Variants in DAPK1 observed in about 807,000 individuals in gnomAD.
DAPK1 encodes death associated protein kinase 1.
In DAPK1, 56 loss-of-function variants were observed where a neutral mutation model predicts 144.9. The ratio of observed to expected loss-of-function variants is 0.39; its 90% confidence interval spans 0.31 to 0.48. The LOEUF is 0.48. Ranked by LOEUF, DAPK1 falls within the 20% of genes least tolerant of loss-of-function variation. The pLI, the probability that DAPK1 is intolerant of heterozygous loss-of-function variation, is 0.95. For synonymous variants in DAPK1, 690 were observed against 749.0 expected (o/e 0.92, Z 1.29); for missense variants, 1,454 against 1,875.4 (o/e 0.78, Z 4.15).
At chr9:87,580,311 G>A (rs887599680) in intron 2 of DAPK1, among the ~76,000 whole-genome samples, 1 of 152,070 alleles carries the variant, frequency 6.6e-6, no homozygotes, top group African/African-American at 2.4e-5. Flanking sequence ...TGGGGATGTG[G>A]CTGGATAGTG....
intron 2 of DAPK1, among the ~76,000 whole-genome samples, chr9:87,546,015 T>TA (rs766213142): frequency 5.3e-5 from 8 of 152,338 alleles, no homozygotes; most frequent in South Asian, 4.1e-4. Context: ...AGATTCTCAG[T>TA]ACTTCCCATA....
chr9:87,640,036 A>G (rs1051251263), intron 7 of DAPK1, among the ~76,000 whole-genome samples: 1 of 152,232 alleles, frequency 6.6e-6, no homozygotes, highest in Admixed American at 6.5e-5. Context: ...ACTGAAAGAA[A>G]GCATAGCTGT....
At chr9:87,506,839 G>A (rs1286135697) in intron 2 of DAPK1, 1 of 152,038 alleles carries the variant, frequency 6.6e-6, no homozygotes, top group East Asian at 1.9e-4. Context: ...GAAGAAGGTG[G>A]AAGAAAAAAG....
rs1299329669 is a variant in DAPK1 at position 87,640,379 on chromosome 9, G to A, written c.711G>A (p.Glu237=). The A allele has an allele frequency of 6.8e-6, 11 of 1,614,072 alleles. No individual in the cohort carries two copies. The highest frequency in any genetic ancestry group is 5.0e-5 in the Admixed American group (3 of 60,008). Residue 237 remains glutamate (E), a synonymous_variant, in exon 8 of 26, where the codon GAG becomes GAA. Transcript: ENST00000408954. Reference sequence around the variant, plus strand: ...TATCCGCTGTCAACTACGAATTTGAGGATGAATACTTCAGTAATACCAGTG... The same window carrying A: ...TATCCGCTGTCAACTACGAATTTGAAGATGAATACTTCAGTAATACCAGTG... ...ANVSAVNYEF[E]DEYFSNTSAL...
chr9:87,615,039 A>G (rs1447343080), intron 3 of DAPK1, among the ~76,000 whole-genome samples: 2 of 152,202 alleles, frequency 1.3e-5, no homozygotes, highest in African/African-American at 4.8e-5. Context: ...TCATGAGAGC[A>G]TTGCTTTATT....
At chr9:87,589,381 C>T (rs567566957) in intron 2 of DAPK1, among the ~76,000 whole-genome samples, 1 of 152,084 alleles carries the variant, frequency 6.6e-6, no homozygotes, top group African/African-American at 2.4e-5. Flanking sequence ...TGCTTGTCCT[C>T]CCTTGACTGT....
intron 2 of DAPK1, among the ~76,000 whole-genome samples, chr9:87,537,002 T>C (rs1181408154): frequency 6.6e-6 from 1 of 151,852 alleles, no homozygotes; most frequent in Admixed American, 6.6e-5. Context: ...TTTTTTTTTT[T>C]CTTGAGATGG....
intron 18 of DAPK1, among the ~76,000 whole-genome samples, chr9:87,666,855 T>G (rs1831076778): frequency 2.0e-5 from 3 of 152,204 alleles, no homozygotes; most frequent in Non-Finnish European, 4.4e-5. Flanking sequence ...GTGAAAGGCC[T>G]CTGCCTGTGT....
At chr9:87,669,763 C>CA (rs946042104) in intron 19 of DAPK1, among the ~76,000 whole-genome samples, 57 of 117,294 alleles carry the variant, frequency 4.9e-4, no homozygotes, top group Non-Finnish European at 9.4e-4. Flanking sequence ...TTGCCAGGGG[C>CA]AGGGGGGGGC....
At chr9:87,667,672 G>A (rs1480793520) in intron 18 of DAPK1, 1 of 151,988 alleles carries the variant, frequency 6.6e-6, no homozygotes, top group African/African-American at 2.4e-5. Flanking sequence ...CTTTGTTATT[G>A]ATACACATTG....
intron 2 of DAPK1, among the ~76,000 whole-genome samples, chr9:87,564,666 GAA>G (rs1204847140): frequency 5.9e-5 from 9 of 151,822 alleles, no homozygotes; most frequent in African/African-American, 1.9e-4. Context: ...TTGAGAAAAA[GAA>G]AGAGAGAGAG....
rs867001014 is a variant in DAPK1 at position 87,652,267 on chromosome 9, C to A, written c.1824+543C>A. 4.4e-3 allele frequency among the ~76,000 whole-genome samples: 461 copies of A among 103,868 alleles called. 12 individuals carry two copies. The highest frequency in any genetic ancestry group is 0.016 in the African/African-American group (413 of 26,020). 68.1% of individuals were successfully genotyped at this position (103,868 alleles called of 152,430 possible). ...CCAGGTCCTGATTCTGTGTCCATCCCCCCGATCCCGGGTCCTGATTCTGTG... is the reference window on the plus strand; with the variant it reads ...CCAGGTCCTGATTCTGTGTCCATCCACCCGATCCCGGGTCCTGATTCTGTG... On this transcript the variant is annotated intron_variant, in intron 17 of 25. Coordinates refer to ENST00000408954, the MANE Select transcript of DAPK1 (RefSeq NM_004938.4).
At chr9:87,626,378 G>C (rs1386392155) in intron 3 of DAPK1, among the ~76,000 whole-genome samples, 1 of 152,146 alleles carries the variant, frequency 6.6e-6, no homozygotes, top group Non-Finnish European at 1.5e-5. Flanking sequence ...TCATACCACT[G>C]CACTCCAGCA....
intron 2 of DAPK1, among the ~76,000 whole-genome samples, chr9:87,578,424 C>G (rs1446103230): frequency 6.6e-6 from 1 of 152,178 alleles, no homozygotes; most frequent in Non-Finnish European, 1.5e-5. Flanking sequence ...TTCTTTTCTT[C>G]CATGATGGGT....
At chr9:87,632,269 G>A (rs1829720040) in intron 3 of DAPK1, 1 of 983,316 alleles carries the variant, frequency 1.0e-6, no homozygotes, top group Admixed American at 6.2e-5. Flanking sequence ...CAGTATATAT[G>A]TAGGAATGAA....
chr9:87,599,494 A>G (rs529752464), intron 2 of DAPK1, among the ~76,000 whole-genome samples: 12 of 152,170 alleles, frequency 7.9e-5, no homozygotes, highest in Non-Finnish European at 1.5e-4. Context: ...CCTCTTTTTA[A>G]TAAAATTGGT....
Position 87,598,131 on chromosome 9 carries a change from C to G in DAPK1, c.63-6823C>G, listed in dbSNP as rs11789041. Among the ~76,000 whole-genome samples the G allele has an allele frequency of 5.6e-3, 847 of 152,228 alleles. 5 individuals are homozygous for G. The highest frequency in any genetic ancestry group is 7.7e-3 in the Non-Finnish European group (526 of 68,018). Reference sequence around the variant, plus strand: ...CTGTTCCTCACCCCTTACCTACAACCTGTAATTCTAATATTCTGGCAGAAT... The same window carrying G: ...CTGTTCCTCACCCCTTACCTACAACGTGTAATTCTAATATTCTGGCAGAAT... On this transcript the variant is annotated intron_variant, in intron 2 of 25. Transcript: ENST00000408954.
At chr9:87,705,004 G>C (rs1451576352) in intron 25 of DAPK1, among the ~76,000 whole-genome samples, 1 of 151,030 alleles carries the variant, frequency 6.6e-6, no homozygotes, top group African/African-American at 2.4e-5. Flanking sequence ...GTCCCCTTGG[G>C]CCATCATCTC....
Position 87,686,879 on chromosome 9 carries a change from C to A in DAPK1, c.2413+140C>A. 1 of 1,420,334 alleles carries A rather than the reference C, an allele frequency of 7.0e-7. No homozygotes were observed. The highest frequency in any genetic ancestry group is 9.2e-7 in the Non-Finnish European group (1 of 1,081,902). 88.0% of individuals were successfully genotyped at this position (1,420,334 alleles called of 1,614,324 possible). ...AACACAGACTGATATTCAGAGTGAGCCAGGACTGAAGCATGGCTGGCTACC... is the reference window on the plus strand; with the variant it reads ...AACACAGACTGATATTCAGAGTGAGACAGGACTGAAGCATGGCTGGCTACC... On this transcript the variant is annotated intron_variant, in intron 21 of 25. Transcript: ENST00000408954. The surrounding 1 kb of genome is among the most constrained non-coding windows in gnomAD (Gnocchi z 4.2).
Sources: allele counts gnomAD v4.1 joint callset (sites outside exome capture counted in the v4.1 genomes callset), GRCh38; gene constraint gnomAD v4.1.1; non-coding constraint Gnocchi (gnomAD v3.1); transcripts MANE v1.5; gene names NCBI Gene and HGNC (gene_info 2026-07-23, HGNC 2026-07-21).